MCM8: variants seen among roughly 807,000 people sequenced by gnomAD.
The protein encoded by MCM8 is DNA helicase MCM8.
Under a neutral mutation model 98.9 loss-of-function variants are expected in MCM8, and 85 were observed. The observed-to-expected ratio is 0.86, with a 90% CI of 0.72 to 1.03. The LOEUF (loss-of-function observed/expected upper bound fraction) is 1.03, where lower values mean the gene tolerates loss of function less well. MCM8 is among the 50% of genes least tolerant of loss of function. The pLI is 0.00. For synonymous variants in MCM8, 352 were observed against 338.6 expected (o/e 1.04, Z -0.44); for missense variants, 951 against 997.8 (o/e 0.95, Z 0.63).
At chr20:5,962,365 T>C (rs2089168569) in intron 7 of MCM8, among the ~76,000 whole-genome samples, 4 of 51,682 alleles carry the variant, frequency 7.7e-5, no homozygotes, top group Non-Finnish European at 9.3e-5. Flanking sequence ...TTTTTTTTTT[T>C]TTTTTTTTTT....
chr20:5,954,897 C>T (rs940442409), intron 4 of MCM8, among the ~76,000 whole-genome samples: 1 of 152,106 alleles, frequency 6.6e-6, no homozygotes, highest in Non-Finnish European at 1.5e-5. Flanking sequence ...AAATACCTAC[C>T]TCAAAGGATT....
At chr20:5,955,278 T>C (rs368108245) in intron 5 of MCM8, 27 bp downstream of exon 5, 504 of 1,599,284 alleles carry the variant, frequency 3.2e-4, no homozygotes, top group Non-Finnish European at 4.1e-4. Context: ...TGCATACTTT[T>C]GTCTAAACTT....
intron 15 of MCM8, among the ~76,000 whole-genome samples, 163 bp downstream of exon 15, chr20:5,985,163 C>A (rs575991471): frequency 6.6e-6 from 1 of 152,002 alleles, no homozygotes; most frequent in African/African-American, 2.4e-5. Context: ...TAATCCAAGT[C>A]GGCCTGGCGT....
At chr20:5,973,785 G>A (rs2089453722) in intron 12 of MCM8, among the ~76,000 whole-genome samples, 1 of 152,120 alleles carries the variant, frequency 6.6e-6, no homozygotes, top group Non-Finnish European at 1.5e-5. Context: ...CTCCTGAGTA[G>A]CTGGGATTAT....
At chr20:5,993,919 C>T (rs1466556948) in intron 18 of MCM8, 2 of 414,628 alleles carry the variant, frequency 4.8e-6, no homozygotes, top group Non-Finnish European at 8.6e-6. Flanking sequence ...ACGTTGCATC[C>T]CTCATCTGTT....
intron 12 of MCM8, among the ~76,000 whole-genome samples, chr20:5,975,475 T>C (rs186846169): frequency 7.9e-4 from 119 of 151,126 alleles, no homozygotes; most frequent in Non-Finnish European, 1.4e-3. Context: ...GCTTGCAGTA[T>C]ATAAAACTTC....
chr20:5,956,167 A>G (rs574019107), intron 5 of MCM8, among the ~76,000 whole-genome samples: 2 of 152,264 alleles, frequency 1.3e-5, no homozygotes, highest in South Asian at 4.1e-4. Flanking sequence ...TCAGAGGGGC[A>G]TTCTTCTACC....
Position 5,998,802 on chromosome 20 carries a change from G to A in MCM8, c.*4411G>A, listed in dbSNP as rs1486451276. The A allele has an allele frequency of 1.3e-5, 2 of 152,102 alleles. No individual in the cohort carries two copies. The highest frequency in any genetic ancestry group is 4.8e-5 in the African/African-American group (2 of 41,394). The allele number at this position is 152,102 out of a possible 1,614,324, so 9.4% of individuals were successfully genotyped here. On this transcript the variant is annotated 3_prime_UTR_variant, in exon 19 of 19. Coordinates refer to ENST00000610722, the MANE Select transcript of MCM8 (RefSeq NM_032485.6). ...TATTAATTCACAAAACTACCTACTC[G>A]TTTTATTTAACCCTCAGAAGAACTG...
chr20:5,990,676 T>C (rs1281814748), intron 17 of MCM8, among the ~76,000 whole-genome samples: 1 of 152,228 alleles, frequency 6.6e-6, no homozygotes, highest in Non-Finnish European at 1.5e-5. Flanking sequence ...GAGACCAGAC[T>C]AGAGACTGAC....
intron 7 of MCM8, among the ~76,000 whole-genome samples, chr20:5,960,463 G>A (rs1481268170): frequency 6.6e-6 from 1 of 151,962 alleles, no homozygotes; most frequent in Non-Finnish European, 1.5e-5. Flanking sequence ...TTTATTGATA[G>A]GAGTTCTTTA....
intron 10 of MCM8, among the ~76,000 whole-genome samples, chr20:5,968,736 G>C (rs75365632): frequency 0.034 from 5,236 of 152,250 alleles, 126 homozygotes; most frequent in Middle Eastern, 0.1. Context: ...CTGATCTCTA[G>C]TTTAAACAAT....
intron 10 of MCM8, among the ~76,000 whole-genome samples, chr20:5,971,545 G>A (rs1236439097): frequency 6.6e-6 from 1 of 152,076 alleles, no homozygotes; most frequent in Non-Finnish European, 1.5e-5. Context: ...TATTTAATTT[G>A]ACCTTTTGAC....
At chr20:5,977,087 GA>G (rs1484936887) in intron 12 of MCM8, among the ~76,000 whole-genome samples, 20 of 152,144 alleles carry the variant, frequency 1.3e-4, no homozygotes, top group Admixed American at 1.3e-3. Flanking sequence ...AGGTTTCTCA[GA>G]AAGACTATAT....
intron 14 of MCM8, among the ~76,000 whole-genome samples, chr20:5,983,710 GAAA>G (rs1165746794): frequency 4.0e-5 from 6 of 151,688 alleles, no homozygotes; most frequent in African/African-American, 1.5e-4. Flanking sequence ...AAAAAAAAAA[GAAA>G]AAGAAATTGT....
chr20:5,993,419 A>C, intron 17 of MCM8, 87 bp from the exon 18 acceptor site: 3 of 1,142,922 alleles, frequency 2.6e-6, no homozygotes, highest in Non-Finnish European at 3.5e-6. Context: ...GCTACTTCCA[A>C]ATTTTTCTTC....
Position 5,954,671 on chromosome 20 carries a change from A to G in MCM8, c.317A>G (p.His106Arg), listed in dbSNP as rs747622238. The G allele has an allele frequency of 4.4e-6, 7 of 1,603,980 alleles. No individual in the cohort carries two copies. The highest frequency in any genetic ancestry group is 6.0e-6 in the Non-Finnish European group (7 of 1,171,350). Reference sequence around the variant, plus strand: ...GCATTTGAAAAATTTTTCACAAGGCATATTGATTTGTATGACAAGGTAAGA... The same window carrying G: ...GCATTTGAAAAATTTTTCACAAGGCGTATTGATTTGTATGACAAGGTAAGA... ...IQAFEKFFTRHIDLYDKDEIE... is the reference protein window; with the variant it reads ...IQAFEKFFTRRIDLYDKDEIE... The change falls in exon 4 of 19, where the codon CAT becomes CGT. Residue 106 changes from histidine to arginine, a missense_variant. His to Arg is a conservative substitution (Grantham distance 29, BLOSUM62 0). Transcript: ENST00000610722.
At chr20:5,965,326 T>C (rs2089251724) in intron 8 of MCM8, 2 of 152,230 alleles carry the variant, frequency 1.3e-5, no homozygotes, top group South Asian at 4.1e-4. Context: ...ACCTAGCACA[T>C]GCACAAGCCT....
At chr20:5,993,050 C>T (rs1481245119) in intron 17 of MCM8, among the ~76,000 whole-genome samples, 1 of 152,134 alleles carries the variant, frequency 6.6e-6, no homozygotes, top group Non-Finnish European at 1.5e-5. Context: ...TAACCAGTAT[C>T]ACTGCAACTC....
intron 13 of MCM8, among the ~76,000 whole-genome samples, chr20:5,980,168 T>A (rs891275576): frequency 6.6e-6 from 1 of 152,196 alleles, no homozygotes; most frequent in Admixed American, 6.5e-5. Flanking sequence ...TTTTAACTTA[T>A]AACCTCCCCT....
Sources: gnomAD v4.1 joint callset for allele counts (sites outside exome capture counted in the v4.1 genomes callset) on GRCh38, gnomAD v4.1.1 for gene constraint, MANE v1.5 for transcripts, NCBI Gene and HGNC (gene_info 2026-07-23, HGNC 2026-07-21) for gene names.